Variants in ADGRL3 observed in about 807,000 individuals in gnomAD.
ADGRL3 encodes adhesion G protein-coupled receptor L3.
A neutral mutation model predicts 153.5 loss-of-function variants in ADGRL3; 62 were observed. The observed-to-expected ratio is 0.40, with a 90% CI of 0.33 to 0.50. The LOEUF (loss-of-function observed/expected upper bound fraction) is 0.50, where lower values mean the gene tolerates loss of function less well. Ranked by LOEUF, ADGRL3 falls within the 20% of genes least tolerant of loss-of-function variation. The pLI, the probability that ADGRL3 is intolerant of heterozygous loss-of-function variation, is 0.47. For missense variants in ADGRL3, 1,641 were observed against 1,859.4 expected (o/e 0.88, Z 2.16); for synonymous variants, 710 against 672.5 (o/e 1.06, Z -0.86).
intron 5 of ADGRL3, among the ~76,000 whole-genome samples, chr4:61,595,525 G>A (rs1336833419): frequency 6.6e-6 from 1 of 152,132 alleles, no homozygotes; most frequent in African/African-American, 2.4e-5. Context: ...GGCTGAGCTG[G>A]TATCCAAGAT....
intron 19 of ADGRL3, among the ~76,000 whole-genome samples, chr4:61,994,432 G>T (rs2099114776): frequency 6.6e-6 from 1 of 152,012 alleles, no homozygotes. Flanking sequence ...GATAACAGGG[G>T]TGAGCCGCTG....
chr4:61,236,008 CTTTTTTT>C (rs55932029), intron 1 of ADGRL3, among the ~76,000 whole-genome samples: 1 of 95,904 alleles, frequency 1.0e-5, no homozygotes, highest in African/African-American at 4.1e-5. Context: ...CTTTTCTTTT[CTTTTTTT>C]TTTTTTTTTT....
At chr4:61,776,391 C>CAGA (rs1193171667) in intron 8 of ADGRL3, among the ~76,000 whole-genome samples, 1 of 151,912 alleles carries the variant, frequency 6.6e-6, no homozygotes, top group Non-Finnish European at 1.5e-5. Flanking sequence ...ACAAGATAAC[C>CAGA]AGAAAAGATT....
At chr4:61,365,791 C>T (rs1263546760) in intron 1 of ADGRL3, among the ~76,000 whole-genome samples, 1 of 152,156 alleles carries the variant, frequency 6.6e-6, no homozygotes, top group African/African-American at 2.4e-5. Context: ...TTATCTCTCT[C>T]TCACTTTCAA....
At chr4:61,805,087 C>G (rs1263094289) in intron 8 of ADGRL3, among the ~76,000 whole-genome samples, 1 of 151,908 alleles carries the variant, frequency 6.6e-6, no homozygotes, top group East Asian at 1.9e-4. Context: ...TCCCCAGTAG[C>G]TGGGACTACA....
chr4:61,386,085 T>A (rs980273297), intron 2 of ADGRL3, among the ~76,000 whole-genome samples: 4 of 152,166 alleles, frequency 2.6e-5, no homozygotes, highest in African/African-American at 9.7e-5. Context: ...TTGCATGTAT[T>A]TGGTTAAGTG....
chr4:61,211,202 A>G (rs1232687286), intron 1 of ADGRL3, among the ~76,000 whole-genome samples: 2 of 152,122 alleles, frequency 1.3e-5, no homozygotes, highest in Non-Finnish European at 2.9e-5. Context: ...TGATTAATTT[A>G]TTGGGAAGTT....
At chr4:61,847,187 T>C (rs903325508) in intron 9 of ADGRL3, among the ~76,000 whole-genome samples, 1 of 152,006 alleles carries the variant, frequency 6.6e-6, no homozygotes, top group Admixed American at 6.6e-5. Flanking sequence ...TTCATATTAA[T>C]AGCACTACAG....
intron 5 of ADGRL3, among the ~76,000 whole-genome samples, chr4:61,625,085 A>G (rs1195899600): frequency 1.3e-5 from 2 of 152,142 alleles, no homozygotes; most frequent in Non-Finnish European, 2.9e-5. Flanking sequence ...AATGTAGAAA[A>G]TAAAACAATG....
At chr4:61,208,804 G>A (rs1015423543) in intron 1 of ADGRL3, among the ~76,000 whole-genome samples, 22 of 152,190 alleles carry the variant, frequency 1.4e-4, no homozygotes, top group Non-Finnish European at 3.1e-4. Flanking sequence ...CTTTTCTGAA[G>A]TGATATCAAG....
At chr4:61,865,256 C>T (rs924010114) in intron 9 of ADGRL3, among the ~76,000 whole-genome samples, 24 of 126,730 alleles carry the variant, frequency 1.9e-4, no homozygotes, top group Admixed American at 1.6e-3. Context: ...CCCCCATATA[C>T]AAGCTACTTT....
rs915789867 is a variant in ADGRL3, at chr4:62,073,116, T to G, written c.*2208T>G. 1.3e-5 allele frequency: 2 copies of G among 152,096 alleles called. No individual in the cohort carries two copies. The highest frequency in any genetic ancestry group is 1.5e-5 in the Non-Finnish European group (1 of 67,992). The allele number at this position is 152,096 out of a possible 1,614,324, so 9.4% of individuals were successfully genotyped here. A position where few individuals can be genotyped will look rare whatever the true frequency, so the allele number is the denominator to read the frequency against. ...CTGTAGTGTGTTTTATCTCGGGGTT[T>G]CCTTTTTCAAAAATCTAAACACTAT... On this transcript the variant is annotated 3_prime_UTR_variant, in exon 27 of 27. Transcript: ENST00000683033.
chr4:61,288,876 A>G (rs548530505), intron 1 of ADGRL3, among the ~76,000 whole-genome samples: 2 of 151,988 alleles, frequency 1.3e-5, no homozygotes, highest in African/African-American at 4.8e-5. Flanking sequence ...TTTTAGTCAA[A>G]TATTTCATAT....
rs187934389 is a variant in ADGRL3 at position 62,001,121 on chromosome 4, T to C, written c.3395+2856T>C. Among the ~76,000 whole-genome samples the C allele has an allele frequency of 4.7e-3, 721 of 152,214 alleles. 6 individuals are homozygous for C. Among genetic ancestry groups the C allele is most frequent in the Non-Finnish European group, 4.4e-3 (297 of 68,016 alleles). On this transcript the variant is annotated intron_variant, in intron 21 of 26. Transcript: ENST00000683033. The stretch of plus-strand genomic sequence containing the variant: ...AAGTTGAAAGAATTATGAATATAGA[T>C]ATATTGTTGGAAAAGAACCAGTGAT...
chr4:61,779,134 A>G (rs2097185470), intron 8 of ADGRL3, among the ~76,000 whole-genome samples: 1 of 152,196 alleles, frequency 6.6e-6, no homozygotes, highest in South Asian at 2.1e-4. Flanking sequence ...TGGGGAGTCA[A>G]ATAATTTTGT....
At chr4:61,613,894 C>A (rs145338904) in intron 5 of ADGRL3, among the ~76,000 whole-genome samples, 3 of 152,086 alleles carry the variant, frequency 2.0e-5, no homozygotes, top group South Asian at 4.1e-4. Context: ...GATACTGCTG[C>A]GTGCAAGATT....
At chr4:61,407,099 T>C (rs938503455) in intron 2 of ADGRL3, among the ~76,000 whole-genome samples, 5 of 152,088 alleles carry the variant, frequency 3.3e-5, no homozygotes, top group African/African-American at 9.7e-5. Context: ...ATGTCTGTAA[T>C]TGGTTTCAGT....
chr4:61,844,219 T>C (rs1464674929), intron 9 of ADGRL3, among the ~76,000 whole-genome samples: 1 of 151,534 alleles, frequency 6.6e-6, no homozygotes, highest in East Asian at 1.9e-4. Flanking sequence ...AAAATAGCAG[T>C]CAAAAAAGGG....
chr4:61,839,499 T>C (rs2097992703), intron 9 of ADGRL3, among the ~76,000 whole-genome samples: 2 of 152,130 alleles, frequency 1.3e-5, no homozygotes, highest in Non-Finnish European at 2.9e-5. Context: ...CCTGGCCATG[T>C]GATTCTTAAA....
Sources: allele counts gnomAD v4.1 joint callset (sites outside exome capture counted in the v4.1 genomes callset), GRCh38; gene constraint gnomAD v4.1.1; transcripts MANE v1.5; gene names NCBI Gene and HGNC (gene_info 2026-07-23, HGNC 2026-07-21).